FNDC3B: variants seen among roughly 807,000 people sequenced by gnomAD.
FNDC3B encodes fibronectin type III domain-containing protein 3B.
A neutral mutation model predicts 151.5 loss-of-function variants in FNDC3B; 12 were observed. The ratio of observed to expected loss-of-function variants is 0.08; its 90% confidence interval spans 0.05 to 0.13. The LOEUF (loss-of-function observed/expected upper bound fraction) is 0.13. Ranked by LOEUF, FNDC3B falls within the 10% of genes least tolerant of loss-of-function variation. The pLI is 1.00. For synonymous variants in FNDC3B, 528 were observed against 549.0 expected (o/e 0.96, Z 0.54); for missense variants, 1,214 against 1,505.3 (o/e 0.81, Z 3.20).
intron 1 of FNDC3B, among the ~76,000 whole-genome samples, chr3:172,045,096 A>G (rs936613681): frequency 1.3e-5 from 2 of 152,212 alleles, no homozygotes; most frequent in African/African-American, 4.8e-5. Flanking sequence ...GCCTTATACA[A>G]ACTCCATAGT....
At chr3:172,287,050 T>TA (rs1175614663) in intron 7 of FNDC3B, among the ~76,000 whole-genome samples, 1 of 152,168 alleles carries the variant, frequency 6.6e-6, no homozygotes, top group Admixed American at 6.5e-5. Flanking sequence ...ATGTCAAGGA[T>TA]AACTGGGCTT....
At chr3:172,167,869 T>G (rs1449689530) in intron 3 of FNDC3B, among the ~76,000 whole-genome samples, 2 of 152,160 alleles carry the variant, frequency 1.3e-5, no homozygotes, top group South Asian at 2.1e-4. Context: ...GTGGAACAAT[T>G]TCATCCCAAA....
intron 3 of FNDC3B, among the ~76,000 whole-genome samples, chr3:172,164,704 CATA>C (rs1722927818): frequency 6.6e-6 from 1 of 152,186 alleles, no homozygotes; most frequent in East Asian, 1.9e-4. Flanking sequence ...AGCAAAGTTT[CATA>C]ATATGTAGTG....
chr3:172,295,278 T>C, intron 7 of FNDC3B, 85 bp from the exon 8 acceptor site: 1 of 1,292,544 alleles, frequency 7.7e-7, no homozygotes, highest in East Asian at 2.3e-5. Context: ...TTGGATTAAC[T>C]GTGAGCCAGT....
chr3:172,338,896 C>T (rs947064017), intron 16 of FNDC3B, among the ~76,000 whole-genome samples: 53 of 151,914 alleles, frequency 3.5e-4, no homozygotes, highest in African/African-American at 1.3e-3. Flanking sequence ...ACCACTAGGC[C>T]GGCTAATTTT....
At chr3:172,122,987 A>G (rs1720627704) in intron 2 of FNDC3B, among the ~76,000 whole-genome samples, 1 of 152,198 alleles carries the variant, frequency 6.6e-6, no homozygotes, top group Non-Finnish European at 1.5e-5. Flanking sequence ...TTGAAGGGAC[A>G]TGGACTTGTG....
chr3:172,391,114 C>T (rs2108390557), intron 25 of FNDC3B, among the ~76,000 whole-genome samples: 1 of 152,238 alleles, frequency 6.6e-6, no homozygotes, highest in East Asian at 1.9e-4. Flanking sequence ...ATCTGGGATC[C>T]ACCACTCCCT....
At chr3:172,182,304 G>C (rs1190882741) in intron 3 of FNDC3B, among the ~76,000 whole-genome samples, 1 of 152,208 alleles carries the variant, frequency 6.6e-6, no homozygotes, top group Non-Finnish European at 1.5e-5. Flanking sequence ...CAGGCTGGTG[G>C]CTGTCCGGGG....
At chr3:172,394,070 T>C (rs1385299556) in intron 25 of FNDC3B, among the ~76,000 whole-genome samples, 1 of 119,850 alleles carries the variant, frequency 8.3e-6, no homozygotes, top group East Asian at 2.6e-4. Flanking sequence ...ATCATGCCAC[T>C]GCAGTCTAGC....
chr3:172,363,471 T>C (rs1734461846), intron 23 of FNDC3B, among the ~76,000 whole-genome samples: 1 of 152,220 alleles, frequency 6.6e-6, no homozygotes, highest in South Asian at 2.1e-4. Context: ...ACAGCCAAAC[T>C]GTATTTAGAA....
intron 16 of FNDC3B, among the ~76,000 whole-genome samples, chr3:172,340,179 C>T (rs1178970533): frequency 6.6e-6 from 1 of 152,184 alleles, no homozygotes; most frequent in Non-Finnish European, 1.5e-5. Flanking sequence ...TTGGGGGGCA[C>T]CCAGACTCCT....
At chr3:172,051,177 G>A (rs1265705592) in intron 1 of FNDC3B, among the ~76,000 whole-genome samples, 4 of 149,810 alleles carry the variant, frequency 2.7e-5, no homozygotes, top group East Asian at 2.0e-4. Context: ...TCTGCCTCCC[G>A]GTTTCAAGCA....
chr3:172,195,251 A>C (rs1724764050), intron 3 of FNDC3B, among the ~76,000 whole-genome samples: 1 of 151,922 alleles, frequency 6.6e-6, no homozygotes. Context: ...GATTCTTGGC[A>C]GGGTATTTGC....
At chr3:172,361,713 G>A (rs1479685802) in intron 22 of FNDC3B, among the ~76,000 whole-genome samples, 2 of 152,068 alleles carry the variant, frequency 1.3e-5, no homozygotes, top group Non-Finnish European at 2.9e-5. Context: ...ACATTTTCAG[G>A]TATCTTTATA....
chr3:172,331,066 CAT>C (rs1261266977), intron 13 of FNDC3B, among the ~76,000 whole-genome samples: 3 of 152,192 alleles, frequency 2.0e-5, no homozygotes, highest in Admixed American at 2.0e-4. Flanking sequence ...ATTGCAATAA[CAT>C]AATATTGTTA....
intron 9 of FNDC3B, among the ~76,000 whole-genome samples, chr3:172,299,158 C>T (rs1730778369): frequency 6.6e-6 from 1 of 152,154 alleles, no homozygotes; most frequent in African/African-American, 2.4e-5. Flanking sequence ...TTATTCAGAC[C>T]AAATGACTGA....
At chr3:172,376,316 T>C (rs1292130052) in intron 23 of FNDC3B, among the ~76,000 whole-genome samples, 4 of 152,230 alleles carry the variant, frequency 2.6e-5, no homozygotes, top group African/African-American at 9.6e-5. Flanking sequence ...GCTTATATTA[T>C]AATTGGGTCT....
chr3:172,069,787 G>A (rs530155192), intron 1 of FNDC3B, among the ~76,000 whole-genome samples: 106 of 152,254 alleles, frequency 7.0e-4, no homozygotes, highest in African/African-American at 2.5e-3. Flanking sequence ...TCCAAGTAGG[G>A]GAATAGCCTA....
At chr3:172,152,944 T>A (rs982811337) in intron 3 of FNDC3B, among the ~76,000 whole-genome samples, 3 of 152,216 alleles carry the variant, frequency 2.0e-5, no homozygotes, top group Admixed American at 2.0e-4. Context: ...TGAGGTATTA[T>A]GATGACATCT....
Sources: gnomAD v4.1 joint callset for allele counts (sites outside exome capture counted in the v4.1 genomes callset) on GRCh38, gnomAD v4.1.1 for gene constraint, MANE v1.5 for transcripts, NCBI Gene and HGNC (gene_info 2026-07-23, HGNC 2026-07-21) for gene names.